LOXL2: variants seen among roughly 807,000 people sequenced by gnomAD.
LOXL2 encodes lysyl oxidase like 2.
LOXL2 carries 70 observed loss-of-function variants against 93.0 expected under a neutral mutation model. The observed-to-expected ratio is 0.75, with a 90% CI of 0.62 to 0.92. The LOEUF (loss-of-function observed/expected upper bound fraction) is 0.92. Among genes scored for constraint, LOXL2 ranks in the 40% least tolerant of loss-of-function variants. LOXL2 has a pLI of 0.00. For synonymous variants in LOXL2, 438 were observed against 413.2 expected, an observed-to-expected ratio of 1.06 and a Z score of -0.73; for missense variants, 973 against 1,054.9, an observed-to-expected ratio of 0.92 and a Z score of 1.08.
chr8:23,399,915 C>T (rs745961967), intron 1 of LOXL2, among the ~76,000 whole-genome samples: 10 of 152,214 alleles, frequency 6.6e-5, no homozygotes, highest in Non-Finnish European at 8.8e-5. Flanking sequence ...CTTGCCACTT[C>T]GGAGTTCCTC....
chr8:23,358,937 G>T (rs1804243069), intron 3 of LOXL2, among the ~76,000 whole-genome samples: 2 of 151,836 alleles, frequency 1.3e-5, no homozygotes, highest in South Asian at 4.2e-4. Context: ...CGCCTCCTGG[G>T]TTCACGCCAT....
chr8:23,306,815 C>T (rs951321842), intron 10 of LOXL2, among the ~76,000 whole-genome samples: 22 of 152,260 alleles, frequency 1.4e-4, no homozygotes, highest in African/African-American at 5.1e-4. Context: ...TTTGTCCTGT[C>T]AGAGCGTGGC....
At chr8:23,365,996 C>T (rs1804394473) in intron 2 of LOXL2, 1 of 152,238 alleles carries the variant, frequency 6.6e-6, no homozygotes, top group Non-Finnish European at 1.5e-5. Context: ...GGCAAAGTCC[C>T]ACCTGGGTAA....
intron 1 of LOXL2, among the ~76,000 whole-genome samples, chr8:23,380,089 C>T (rs962279594): frequency 1.2e-4 from 19 of 152,150 alleles, no homozygotes; most frequent in East Asian, 1.9e-4. Context: ...ATTGCCCCCT[C>T]GCAACGTTTT....
chr8:23,353,431 G>C (rs1009737286), intron 3 of LOXL2, among the ~76,000 whole-genome samples: 1 of 152,136 alleles, frequency 6.6e-6, no homozygotes, highest in Admixed American at 6.5e-5. Flanking sequence ...TTTATATCCA[G>C]ACAAACTTCT....
chr8:23,343,618 C>T (rs971438363), intron 3 of LOXL2, among the ~76,000 whole-genome samples: 4 of 152,266 alleles, frequency 2.6e-5, no homozygotes, highest in African/African-American at 9.6e-5. Context: ...CACAGCCAGG[C>T]CCTACTCTCA....
At chr8:23,311,161 T>TC (rs1356991912) in intron 9 of LOXL2, among the ~76,000 whole-genome samples, 2 of 151,986 alleles carry the variant, frequency 1.3e-5, no homozygotes, top group Non-Finnish European at 2.9e-5. Context: ...CTTCTCCCCC[T>TC]CCCCCTCCAG....
At chr8:23,385,709 C>T (rs973099956) in intron 1 of LOXL2, 42 of 552,368 alleles carry the variant, frequency 7.6e-5, no homozygotes, top group Non-Finnish European at 1.3e-4. Flanking sequence ...CCAACAGAAA[C>T]GTAATGAGAG....
intron 3 of LOXL2, among the ~76,000 whole-genome samples, chr8:23,342,734 T>G (rs1039108516): frequency 5.3e-5 from 8 of 151,618 alleles, no homozygotes; most frequent in Non-Finnish European, 7.4e-5. Context: ...CCCGGCCTTT[T>G]TTTTCTTTTA....
intron 1 of LOXL2, among the ~76,000 whole-genome samples, chr8:23,386,528 C>T (rs1804763085): frequency 6.6e-6 from 1 of 152,222 alleles, no homozygotes; most frequent in Non-Finnish European, 1.5e-5. Flanking sequence ...AGACACATTT[C>T]TCTTCTCCAT....
intron 5 of LOXL2, among the ~76,000 whole-genome samples, chr8:23,330,200 G>A (rs1325517612): frequency 1.3e-5 from 2 of 152,198 alleles, no homozygotes; most frequent in Non-Finnish European, 2.9e-5. Context: ...CAGGTGCGGT[G>A]GCGGGTGCCT....
intron 9 of LOXL2, 178 bp downstream of exon 9, chr8:23,316,771 C>G: frequency 1.6e-6 from 1 of 607,898 alleles, no homozygotes; most frequent in South Asian, 2.5e-5. Context: ...TCATAGACAG[C>G]GATCTGTGGT....
intron 1 of LOXL2, among the ~76,000 whole-genome samples, chr8:23,381,702 T>G (rs1454350616): frequency 6.6e-6 from 1 of 152,208 alleles, no homozygotes; most frequent in African/African-American, 2.4e-5. Flanking sequence ...TTTTTCACAT[T>G]GGTATCCTTC....
intron 5 of LOXL2, chr8:23,332,035 C>CA (rs556659501): frequency 0.45 from 42,533 of 95,434 alleles, 9,906 homozygotes; most frequent in Non-Finnish European, 0.5. Context: ...AACTCTGTCT[C>CA]AAAAAAAAAA....
In LOXL2 at chr8:23,322,273, G is replaced by C. The variant is rs1355482945; in HGVS notation, c.1159C>G (p.Pro387Ala). The C allele has an allele frequency of 6.2e-7, 1 of 1,614,008 alleles. No homozygotes were observed. Among genetic ancestry groups the C allele is most frequent in the South Asian group, 1.1e-5 (1 of 91,060 alleles). The change falls in exon 7 of 14, where the codon CCC becomes GCC. Residue 387 changes from proline (P) to alanine (A), a missense_variant. Coordinates refer to ENST00000389131, the MANE Select transcript of LOXL2 (RefSeq NM_002318.3). The stretch of plus-strand genomic sequence containing the variant: ...CACTGGATCTCGTTGAGGTGGATGG[G>C]TCCGATCCCTGCAAGGGGAGAATAA... ...TGSRLGQGIG[P>A]IHLNEIQCTG... is the part of the protein sequence containing the mutation.
At chr8:23,304,795 C>A (rs1585341531) in intron 10 of LOXL2, among the ~76,000 whole-genome samples, 1 of 152,198 alleles carries the variant, frequency 6.6e-6, no homozygotes, top group East Asian at 1.9e-4. Context: ...CAGGCAGGAG[C>A]TCCTCACTTC....
intron 5 of LOXL2, among the ~76,000 whole-genome samples, chr8:23,330,817 G>A (rs1168266905): frequency 2.6e-5 from 4 of 151,782 alleles, no homozygotes; most frequent in African/African-American, 9.7e-5. Flanking sequence ...GGGTTTGGGG[G>A]GTGGTGGACT....
intron 3 of LOXL2, among the ~76,000 whole-genome samples, chr8:23,342,319 C>CT (rs1199317019): frequency 6.6e-6 from 1 of 152,206 alleles, no homozygotes; most frequent in Non-Finnish European, 1.5e-5. Flanking sequence ...GGAAGCTCCC[C>CT]CCTAAATCAC....
chr8:23,345,170 T>C (rs1293925156), intron 3 of LOXL2, among the ~76,000 whole-genome samples: 1 of 152,230 alleles, frequency 6.6e-6, no homozygotes, highest in Non-Finnish European at 1.5e-5. Flanking sequence ...TTGGAAGTTA[T>C]CCAAGTTCAC....
Sources: allele counts gnomAD v4.1 joint callset (sites outside exome capture counted in the v4.1 genomes callset), GRCh38; gene constraint gnomAD v4.1.1; transcripts MANE v1.5; gene names NCBI Gene and HGNC (gene_info 2026-07-23, HGNC 2026-07-21).